The following SUGCT variants were observed in gnomAD, a reference collection of about 807,000 sequenced individuals.
SUGCT encodes the protein succinyl-CoA:glutarate CoA-transferase.
In SUGCT, 41 loss-of-function variants were observed where a neutral mutation model predicts 55.0. That is an observed-to-expected ratio of 0.74 (90% CI 0.58 to 0.97). The LOEUF (loss-of-function observed/expected upper bound fraction) is 0.97, where lower values mean the gene tolerates loss of function less well. Among genes scored for constraint, SUGCT ranks in the 50% least tolerant of loss-of-function variants. The pLI is 0.00. For missense variants in SUGCT, 568 were observed against 547.8 expected, an observed-to-expected ratio of 1.04 and a Z score of -0.37; for synonymous variants, 187 against 200.4, an observed-to-expected ratio of 0.93 and a Z score of 0.56.
At chr7:40,426,108 G>A (rs558984162) in intron 9 of SUGCT, among the ~76,000 whole-genome samples, 16 of 152,036 alleles carry the variant, frequency 1.1e-4, no homozygotes, top group Non-Finnish European at 1.2e-4. Flanking sequence ...CTTGTTACAG[G>A]GAGATAAGCT....
At chr7:40,680,922 C>G (rs916774424) in intron 12 of SUGCT, among the ~76,000 whole-genome samples, 1 of 152,148 alleles carries the variant, frequency 6.6e-6, no homozygotes, top group African/African-American at 2.4e-5. Context: ...AATTCATGCA[C>G]TTTAAACCTG....
the SUGCT span, among the ~76,000 whole-genome samples, chr7:40,948,779 T>G: frequency 6.6e-6 from 1 of 152,184 alleles, no homozygotes; most frequent in African/African-American, 2.4e-5. Flanking sequence ...GAAAAGGACA[T>G]GAACTCATTC....
intron 12 of SUGCT, among the ~76,000 whole-genome samples, chr7:40,552,726 G>A (rs1477787202): frequency 1.3e-5 from 2 of 152,156 alleles, no homozygotes; most frequent in East Asian, 1.9e-4. Context: ...TATGTTTTAA[G>A]TGTAGCCTTT....
At chr7:40,527,038 G>A (rs1793835853) in intron 12 of SUGCT, among the ~76,000 whole-genome samples, 1 of 151,886 alleles carries the variant, frequency 6.6e-6, no homozygotes, top group South Asian at 2.1e-4. Context: ...GTTACAAATG[G>A]CATCGCTTAT....
chr7:40,141,623 GC>G (rs1787986313), intron 1 of SUGCT, among the ~76,000 whole-genome samples: 1 of 140,980 alleles, frequency 7.1e-6, no homozygotes, highest in Admixed American at 7.2e-5. Context: ...GACAGACAGT[GC>G]AAGACTCCAT....
chr7:40,766,281 G>T (rs1436594017), intron 13 of SUGCT, among the ~76,000 whole-genome samples: 2 of 152,114 alleles, frequency 1.3e-5, no homozygotes, highest in East Asian at 3.9e-4. Flanking sequence ...CGTGATCTCT[G>T]CTCGCTGGAA....
At chr7:40,543,869 A>G (rs1410667051) in intron 12 of SUGCT, among the ~76,000 whole-genome samples, 2 of 152,212 alleles carry the variant, frequency 1.3e-5, no homozygotes, top group Admixed American at 6.5e-5. Context: ...CAAAAGCACC[A>G]CATTTGAAAT....
chr7:40,563,049 T>A (rs949104329), intron 12 of SUGCT, among the ~76,000 whole-genome samples: 9 of 152,140 alleles, frequency 5.9e-5, no homozygotes, highest in African/African-American at 2.2e-4. Flanking sequence ...CTCCTTCCCC[T>A]CTTCCTCCGC....
intron 9 of SUGCT, among the ~76,000 whole-genome samples, chr7:40,337,799 A>G (rs1375110671): frequency 6.6e-6 from 1 of 151,828 alleles, no homozygotes; most frequent in Non-Finnish European, 1.5e-5. Flanking sequence ...TTATGATGTT[A>G]GCTGGTTATT....
At chr7:40,323,439 G>T (rs1795852182) in intron 9 of SUGCT, among the ~76,000 whole-genome samples, 1 of 152,110 alleles carries the variant, frequency 6.6e-6, no homozygotes, top group African/African-American at 2.4e-5. Context: ...TCTCTCTGTT[G>T]TCCAGGCTGG....
intron 10 of SUGCT, among the ~76,000 whole-genome samples, chr7:40,455,195 A>T (rs1032740466): frequency 2.0e-5 from 3 of 152,304 alleles, no homozygotes; most frequent in African/African-American, 7.2e-5. Flanking sequence ...TGATTCCCTA[A>T]GCAGTCATTA....
the SUGCT span, among the ~76,000 whole-genome samples, chr7:40,921,242 T>C: frequency 6.6e-6 from 1 of 152,128 alleles, no homozygotes; most frequent in African/African-American, 2.4e-5. Flanking sequence ...TATTTATTTT[T>C]TTACAAAATA....
At chr7:41,023,922 G>T in the SUGCT span, among the ~76,000 whole-genome samples, 1 of 152,188 alleles carries the variant, frequency 6.6e-6, no homozygotes, top group African/African-American at 2.4e-5. Flanking sequence ...AGTGTGAATT[G>T]CAGCCCAAAG....
intron 7 of SUGCT, among the ~76,000 whole-genome samples, chr7:40,254,813 T>A (rs1279094278): frequency 3.3e-5 from 5 of 152,200 alleles, no homozygotes; most frequent in Admixed American, 1.3e-4. Context: ...TACCTTTTTT[T>A]ATAAAAAAAA....
At chr7:40,302,247 C>T (rs1024740908) in intron 8 of SUGCT, among the ~76,000 whole-genome samples, 1 of 152,208 alleles carries the variant, frequency 6.6e-6, no homozygotes, top group Non-Finnish European at 1.5e-5. Flanking sequence ...CTTTAGACAT[C>T]ACACCACCTG....
intron 12 of SUGCT, among the ~76,000 whole-genome samples, chr7:40,672,777 C>T (rs1283953184): frequency 6.6e-6 from 1 of 152,176 alleles, no homozygotes; most frequent in Non-Finnish European, 1.5e-5. Context: ...GCATGTGAAT[C>T]TACAATCATC....
intron 12 of SUGCT, among the ~76,000 whole-genome samples, chr7:40,727,829 G>T (rs1186778879): frequency 6.6e-6 from 1 of 152,082 alleles, no homozygotes; most frequent in Admixed American, 6.6e-5. Flanking sequence ...TAATATTGGG[G>T]ATTAGTTTAT....
chr7:40,564,689 C>A (rs1423863170), intron 12 of SUGCT, among the ~76,000 whole-genome samples: 2 of 152,162 alleles, frequency 1.3e-5, no homozygotes, highest in South Asian at 2.1e-4. Flanking sequence ...TTACTGAGCC[C>A]TGGGACCTGG....
At chr7:40,655,302 A>C (rs532398895) in intron 12 of SUGCT, among the ~76,000 whole-genome samples, 2 of 152,084 alleles carry the variant, frequency 1.3e-5, no homozygotes, top group African/African-American at 2.4e-5. Flanking sequence ...TCAAAAAAAA[A>C]TTAAAAATTA....
Sources: allele counts gnomAD v4.1 joint callset (sites outside exome capture counted in the v4.1 genomes callset), GRCh38; gene constraint gnomAD v4.1.1; transcripts MANE v1.5; gene names NCBI Gene and HGNC (gene_info 2026-07-23, HGNC 2026-07-21).